RELL1: variants seen among roughly 807,000 people sequenced by gnomAD.
RELL1 encodes RELT-like protein 1.
RELL1 carries 10 observed loss-of-function variants against 23.0 expected under a neutral mutation model. The observed-to-expected ratio is 0.43, with a 90% CI of 0.27 to 0.74. The LOEUF (loss-of-function observed/expected upper bound fraction) is 0.74. Among genes scored for constraint, RELL1 ranks in the 30% least tolerant of loss-of-function variants. The pLI is 0.19. For missense variants in RELL1, 315 were observed against 364.4 expected, an observed-to-expected ratio of 0.86 and a Z score of 1.10; for synonymous variants, 146 against 146.8, an observed-to-expected ratio of 0.99 and a Z score of 0.04.
chr4:37,642,907 G>C (rs1460298278), intron 3 of RELL1, among the ~76,000 whole-genome samples: 1 of 152,228 alleles, frequency 6.6e-6, no homozygotes, highest in Non-Finnish European at 1.5e-5. Context: ...CACCCAGAGA[G>C]GGCAGGAAAG....
At chr4:37,634,845 C>T in intron 5 of RELL1, 42 bp downstream of exon 5, 2 of 1,527,244 alleles carry the variant, frequency 1.3e-6, no homozygotes, top group Non-Finnish European at 1.8e-6. Context: ...CACCAGAGCA[C>T]CCATGTCACA....
chr4:37,635,170 T>G, intron 4 of RELL1, 47 bp from the exon 5 acceptor site: 1 of 1,437,832 alleles, frequency 7.0e-7, no homozygotes, highest in Non-Finnish European at 9.8e-7. Context: ...AAAGGAAATA[T>G]CAGCGAAGGT....
At chr4:37,684,480 A>C (rs781406654) in intron 1 of RELL1, among the ~76,000 whole-genome samples, 1 of 152,212 alleles carries the variant, frequency 6.6e-6, no homozygotes, top group Non-Finnish European at 1.5e-5. Context: ...TCTCCTGCTG[A>C]TGATGGCTAA....
At chr4:37,614,199 A>G (rs1432039962) in intron 6 of RELL1, among the ~76,000 whole-genome samples, 1 of 152,248 alleles carries the variant, frequency 6.6e-6, no homozygotes, top group African/African-American at 2.4e-5. Flanking sequence ...TTGTCCTTCA[A>G]GATATGTACC....
downstream of RELL1, among the ~76,000 whole-genome samples, chr4:37,586,655 A>G (rs1414069736): frequency 6.6e-6 from 1 of 152,230 alleles, no homozygotes; most frequent in Non-Finnish European, 1.5e-5. Flanking sequence ...CACGCCTGTA[A>G]TCCCAGCACT....
chr4:37,597,787 A>G (rs1718904856), intron 6 of RELL1, among the ~76,000 whole-genome samples: 1 of 152,176 alleles, frequency 6.6e-6, no homozygotes, highest in Non-Finnish European at 1.5e-5. Context: ...GCCGTGGCTC[A>G]TGCCTGTAAT....
chr4:37,604,786 G>GACACACATACAGAC (rs1719110925), intron 6 of RELL1, among the ~76,000 whole-genome samples: 3 of 52,630 alleles, frequency 5.7e-5, no homozygotes, highest in Non-Finnish European at 1.3e-4. Context: ...GACACACACA[G>GACACACATACAGAC]ACACACACAC....
chr4:37,661,453 G>A (rs990317793), intron 1 of RELL1, among the ~76,000 whole-genome samples: 3 of 152,046 alleles, frequency 2.0e-5, no homozygotes, highest in African/African-American at 7.2e-5. Flanking sequence ...CTAATTTTTT[G>A]TATTTTAGTA....
At chr4:37,680,290 T>G (rs1243111288) in intron 1 of RELL1, among the ~76,000 whole-genome samples, 1 of 152,244 alleles carries the variant, frequency 6.6e-6, no homozygotes, top group African/African-American at 2.4e-5. Context: ...AACACTGATG[T>G]CATCAATTGC....
chr4:37,675,638 G>A (rs190127470), intron 1 of RELL1, among the ~76,000 whole-genome samples: 1 of 152,358 alleles, frequency 6.6e-6, no homozygotes, highest in Admixed American at 6.5e-5. Flanking sequence ...CCATAGACTT[G>A]TGGACAGTGT....
rs1245684754 is a variant in RELL1 at position 37,610,966 on chromosome 4, C to T, written c.*2380G>A. ...AAGCGTATGTGTTGAAAATACTGAA[C>T]GCTTAATTTTGGCAAATTTGGAAGC... On this transcript the variant is annotated 3_prime_UTR_variant, in exon 7 of 7. Transcript: ENST00000454158. This position sits in a 1 kb window ranked among gnomAD's most constrained non-coding sequence, Gnocchi z 4.1. Among the ~76,000 whole-genome samples the T allele has an allele frequency of 1.3e-5, 2 of 152,256 alleles. No homozygotes were observed. The highest frequency in any genetic ancestry group is 2.4e-5 in the African/African-American group (1 of 41,540).
chr4:37,645,137 A>G (rs17577641), intron 3 of RELL1, among the ~76,000 whole-genome samples: 3,726 of 152,298 alleles, frequency 0.024, 183 homozygotes, highest in East Asian at 0.13. Context: ...AGGTTCTCAC[A>G]GTTTACTTAT....
intron 6 of RELL1, among the ~76,000 whole-genome samples, chr4:37,630,526 G>A (rs1275277862): frequency 4.6e-5 from 7 of 151,642 alleles, no homozygotes. Context: ...CACTACGCCC[G>A]GCTACTTTTT....
At chr4:37,625,002 C>T (rs1260195577) in intron 6 of RELL1, among the ~76,000 whole-genome samples, 1 of 152,160 alleles carries the variant, frequency 6.6e-6, no homozygotes, top group Admixed American at 6.5e-5. Flanking sequence ...ACACATATAT[C>T]GTATCATGTA....
chr4:37,589,996 AATTAGCAGGAATCGTAG>A (rs1718515347), downstream of RELL1: 1 of 893,248 alleles, frequency 1.1e-6, no homozygotes, highest in Non-Finnish European at 1.8e-6. Context: ...ACAGAAATTA[AATTAGCAGGAATCGTAG>A]AAAGAAGCAG....
chr4:37,670,891 A>G (rs759421500), intron 1 of RELL1, among the ~76,000 whole-genome samples: 1 of 152,204 alleles, frequency 6.6e-6, no homozygotes, highest in Non-Finnish European at 1.5e-5. Context: ...AATCTTTTAA[A>G]AACACTTTTG....
chr4:37,643,481 G>A (rs1222972887), intron 3 of RELL1, among the ~76,000 whole-genome samples: 5 of 152,096 alleles, frequency 3.3e-5, no homozygotes, highest in East Asian at 1.9e-4. Context: ...AAATGTTTAC[G>A]GATGCATGAA....
chr4:37,604,341 C>A (rs1719093157), intron 6 of RELL1, among the ~76,000 whole-genome samples: 1 of 150,024 alleles, frequency 6.7e-6, no homozygotes, highest in Non-Finnish European at 1.5e-5. Context: ...CCCCAAGTGA[C>A]CCCTTTCAAC....
At chr4:37,685,618 C>G (rs1479164936) in intron 1 of RELL1, among the ~76,000 whole-genome samples, 1 of 152,204 alleles carries the variant, frequency 6.6e-6, no homozygotes, top group East Asian at 1.9e-4. Context: ...CGCGCCTTCC[C>G]TTTTTCCGAG....
Sources: gnomAD v4.1 joint callset for allele counts (sites outside exome capture counted in the v4.1 genomes callset) on GRCh38, gnomAD v4.1.1 for gene constraint, Gnocchi (gnomAD v3.1) non-coding constraint, MANE v1.5 for transcripts, NCBI Gene and HGNC (gene_info 2026-07-23, HGNC 2026-07-21) for gene names.